ANK1: variants seen among roughly 807,000 people sequenced by gnomAD.
ANK1 encodes the protein ankyrin 1.
A neutral mutation model predicts 210.4 loss-of-function variants in ANK1; 51 were observed. The observed-to-expected ratio is 0.24, with a 90% confidence interval of 0.19 to 0.31. The LOEUF (loss-of-function observed/expected upper bound fraction) is 0.31, where lower values mean the gene tolerates loss of function less well. Among genes scored for constraint, ANK1 ranks in the 10% least tolerant of loss-of-function variants. The probability of loss-of-function intolerance (pLI) is 1.00; values close to 1 mark genes in which losing one functional copy is unlikely to be tolerated. For missense variants in ANK1, 2,051 were observed against 2,504.4 expected (o/e 0.82, Z 3.86); for synonymous variants, 967 against 1,025.9 (o/e 0.94, Z 1.10).
At chr8:41,732,570 G>A (rs910711719) in intron 3 of ANK1, among the ~76,000 whole-genome samples, 2 of 151,812 alleles carry the variant, frequency 1.3e-5, no homozygotes, top group African/African-American at 4.8e-5. Context: ...GTGCCACCAC[G>A]ACTGGCTGAT....
intron 1 of ANK1, among the ~76,000 whole-genome samples, chr8:41,813,805 G>A (rs1802858063): frequency 6.6e-6 from 1 of 152,164 alleles, no homozygotes; most frequent in South Asian, 2.1e-4. Flanking sequence ...AGGTTCCTGG[G>A]CCTGCCAAGA....
intron 39 of ANK1, 120 bp downstream of exon 39, chr8:41,668,147 T>C: frequency 2.9e-6 from 4 of 1,383,582 alleles, no homozygotes; most frequent in South Asian, 2.4e-5. Flanking sequence ...CCACCACAAG[T>C]GTTAAAGGAA....
At chr8:41,807,315 C>G (rs1015338367) in intron 1 of ANK1, among the ~76,000 whole-genome samples, 1 of 152,216 alleles carries the variant, frequency 6.6e-6, no homozygotes, top group African/African-American at 2.4e-5. Context: ...GAAATGGAGA[C>G]TTCAATCCAA....
intron 18 of ANK1, among the ~76,000 whole-genome samples, chr8:41,705,662 G>T (rs1445404446): frequency 1.3e-5 from 2 of 152,146 alleles, no homozygotes; most frequent in East Asian, 3.8e-4. Flanking sequence ...TCTCTTAAGA[G>T]TAAATATCAA....
chr8:41,889,381 C>T (rs1404392743), intron 1 of ANK1, among the ~76,000 whole-genome samples: 1 of 152,182 alleles, frequency 6.6e-6, no homozygotes, highest in Non-Finnish European at 1.5e-5. Flanking sequence ...AGTGCAGGCA[C>T]CTCCCTTGAT....
At position 41,842,689 on chromosome 8, in the gene ANK1, G is replaced by A. The variant is rs567707089; in HGVS notation, c.126+53666C>T. On this transcript the variant is annotated intron_variant, in intron 1 of 42. Coordinates refer to the ANK1 transcript ENST00000265709. ...TAGTGCAGATGTGGAGGGGCCTCCC[G>A]GGGAATTAAACACAGAAACAGTTAA... Among the ~76,000 whole-genome samples, 466 of 152,258 alleles carry A rather than the reference G, an allele frequency of 3.1e-3. 2 individuals are homozygous for A. The highest frequency in any genetic ancestry group is 5.2e-3 in the Non-Finnish European group (354 of 68,016).
Position 41,699,516 on chromosome 8 carries a change from G to A in ANK1, c.2494C>T (p.Arg832Trp), listed in dbSNP as rs762078890. ...TCTTCATCAACATCCCTGGAATCCC[G>A]CCTCTCAGCCTTGAAGCTGATGAGT... ...EELISFKAER[R>W]DSRDVDEEKE... Residue 832 changes from arginine to tryptophan, a missense_variant, in exon 23 of 43, where the codon CGG (arginine) becomes TGG (tryptophan). Physicochemically the swap from Arg to Trp is moderately radical, Grantham distance 101 (BLOSUM62 -3). Around this residue, in one of 6 missense-constraint regions of ANK1, gnomAD observed 1,413 missense variants for 1,707.4 expected, o/e 0.83. Coordinates refer to ENST00000289734, the MANE Select transcript of ANK1 (RefSeq NM_000037.4). 5.5e-5 allele frequency: 88 copies of A among 1,614,016 alleles called. No individual in the cohort carries two copies. The highest frequency in any genetic ancestry group is 1.6e-4 in the Middle Eastern group (1 of 6,072).
chr8:41,878,918 C>A (rs1003592298), intron 1 of ANK1, among the ~76,000 whole-genome samples: 2 of 152,016 alleles, frequency 1.3e-5, no homozygotes, highest in African/African-American at 2.4e-5. Context: ...CAAAAATTAG[C>A]CAGGCATGGT....
intron 1 of ANK1, among the ~76,000 whole-genome samples, chr8:41,779,093 C>A (rs528057860): frequency 1.9e-4 from 29 of 152,238 alleles, no homozygotes; most frequent in Admixed American, 3.3e-4. Context: ...GAGCTGGATG[C>A]AGGCAGGGAT....
chr8:41,800,719 G>C (rs1452749284), upstream of ANK1, among the ~76,000 whole-genome samples: 1 of 152,034 alleles, frequency 6.6e-6, no homozygotes, highest in East Asian at 1.9e-4. Flanking sequence ...ACTTATGGTT[G>C]TATGATTTTT....
rs750151895 is a variant in ANK1, at chr8:41,684,680, C to G, written c.4401G>C (p.Leu1467=). The change falls in exon 37 of 43, where the codon CTG becomes CTC. Residue 1467 remains leucine, a synonymous_variant. Transcript: ENST00000289734. The part of the protein sequence containing the change: ...REGQNANMEN[L]YTALQSIDRG... ...GGTCAATGCTCTGCAGGGCTGTGTACAGATTCTCCACTGTGGGCGCAGAAG... is the reference window on the plus strand; with the variant it reads ...GGTCAATGCTCTGCAGGGCTGTGTAGAGATTCTCCACTGTGGGCGCAGAAG... 6.2e-7 allele frequency: 1 copy of G among 1,613,848 alleles called. No individual in the cohort carries two copies. The highest frequency in any genetic ancestry group is 8.5e-7 in the Non-Finnish European group (1 of 1,180,012).
chr8:41,883,276 GTC>G (rs1817912162), intron 1 of ANK1, among the ~76,000 whole-genome samples: 2 of 152,188 alleles, frequency 1.3e-5, no homozygotes, highest in South Asian at 4.1e-4. Flanking sequence ...CCTTTTGCAT[GTC>G]CGTTCACACT....
At chr8:41,808,523 G>T (rs1390868315) in intron 1 of ANK1, among the ~76,000 whole-genome samples, 2 of 152,016 alleles carry the variant, frequency 1.3e-5, no homozygotes, top group Non-Finnish European at 2.9e-5. Context: ...AAATTAGCCA[G>T]GTGTGGTGGC....
At position 41,698,099 on chromosome 8, in the gene ANK1, T is replaced by A; in HGVS notation, c.2581A>T (p.Arg861Trp). 6.2e-7 allele frequency: 1 copy of A among 1,614,142 alleles called. No individual in the cohort carries two copies. The highest frequency in any genetic ancestry group is 8.5e-7 in the Non-Finnish European group (1 of 1,180,036). Residue 861 changes from arginine to tryptophan, a missense_variant, in exon 24 of 43, where the codon AGG becomes TGG. Transcript: ENST00000289734. ...GTCTCAGGCATGGCACAGGGAATCCTGGGGATGGCTGGAGATTCCACCCTG... is the reference window on the plus strand; with the variant it reads ...GTCTCAGGCATGGCACAGGGAATCCAGGGGATGGCTGGAGATTCCACCCTG... ...DQVVESPAIP[R>W]IPCAMPETVV... is the part of the protein sequence containing the mutation.
At chr8:41,735,102 T>C (rs11777488) in intron 2 of ANK1, among the ~76,000 whole-genome samples, 37,238 of 152,056 alleles carry the variant, frequency 0.24, 5,132 homozygotes, top group Middle Eastern at 0.34. Flanking sequence ...CTGCATCTGG[T>C]GAAGCTGCCA....
Position 41,767,475 on chromosome 8 carries a change from A to G in ANK1, c.28-9338T>C, listed in dbSNP as rs531041178. Among the ~76,000 whole-genome samples the G allele has an allele frequency of 2.0e-5, 3 of 150,424 alleles. No homozygotes were observed. In the East Asian group the frequency reaches 6.0e-4, roughly 30 times the overall value. On this transcript the variant is annotated intron_variant, in intron 1 of 42. Transcript: ENST00000289734. ...GGGGAGCGCCAGCAAGTTACGCGGC[A>G]TCTGGCTAAAAATACAGGCGCCCTC...
intron 1 of ANK1, among the ~76,000 whole-genome samples, chr8:41,785,462 G>A (rs1180920818): frequency 6.6e-6 from 1 of 152,192 alleles, no homozygotes; most frequent in East Asian, 1.9e-4. Context: ...GCCCTAGTCC[G>A]CAGCTGTCTA....
intron 13 of ANK1, 29 bp from the exon 14 acceptor site, chr8:41,715,878 A>G: frequency 6.2e-7 from 1 of 1,613,842 alleles, no homozygotes; most frequent in Non-Finnish European, 8.5e-7. Flanking sequence ...ACAAAGAAGA[A>G]GAAACGCTAA....
Position 41,696,317 on chromosome 8 carries a change from G to T in ANK1, c.2960+46C>A, listed in dbSNP as rs2304883. ...GACAGATGGAAATGGCGTGGCCTCC[G>T]TGGCACAGGGACAGGGGAGAACACG... On this transcript the variant is annotated intron_variant, in intron 26 of 42. Transcript: ENST00000289734. The T allele has an allele frequency of 3.7e-6, 6 of 1,600,604 alleles. No homozygotes were observed. In the East Asian group the frequency reaches 1.3e-4, roughly 36 times the overall value.
Sources: gnomAD v4.1 joint callset for allele counts (sites outside exome capture counted in the v4.1 genomes callset) on GRCh38, gnomAD v4.1.1 for gene constraint, gnomAD v4.1.1 regional missense constraint, MANE v1.5 for transcripts, NCBI Gene and HGNC (gene_info 2026-07-23, HGNC 2026-07-21) for gene names.